The following FAT3 variants were observed in gnomAD, a reference collection of about 807,000 sequenced individuals.
FAT3 encodes the protein protocadherin Fat 3.
FAT3 carries 95 observed loss-of-function variants against 310.2 expected under a neutral mutation model. The observed-to-expected ratio is 0.31, with a 90% confidence interval of 0.26 to 0.36. The LOEUF (loss-of-function observed/expected upper bound fraction) is 0.36. Ranked by LOEUF, FAT3 falls within the 10% of genes least tolerant of loss-of-function variation. The pLI is 1.00. For missense variants in FAT3, 5,408 were observed against 5,715.6 expected, an observed-to-expected ratio of 0.95 and a Z score of 1.74; for synonymous variants, 2,314 against 2,192.9, an observed-to-expected ratio of 1.06 and a Z score of -1.54.
At chr11:92,455,989 G>A (rs1379146806) in intron 2 of FAT3, among the ~76,000 whole-genome samples, 2 of 152,178 alleles carry the variant, frequency 1.3e-5, no homozygotes, top group African/African-American at 4.8e-5. Context: ...GTTACAGATG[G>A]CAGCTTGTGT....
intron 3 of FAT3, among the ~76,000 whole-genome samples, chr11:92,628,576 T>C (rs1260356833): frequency 6.6e-6 from 1 of 152,234 alleles, no homozygotes; most frequent in Non-Finnish European, 1.5e-5. Context: ...AAATTGCAAT[T>C]GACAGAGTGC....
chr11:92,506,108 C>T (rs1204158224), intron 2 of FAT3, among the ~76,000 whole-genome samples: 2 of 152,154 alleles, frequency 1.3e-5, no homozygotes, highest in Non-Finnish European at 2.9e-5. Flanking sequence ...AAAAATTCCC[C>T]ATAAAACACA....
intron 13 of FAT3, among the ~76,000 whole-genome samples, chr11:92,812,506 C>T (rs981733020): frequency 8.6e-5 from 13 of 151,092 alleles, no homozygotes; most frequent in Non-Finnish European, 1.6e-4. Context: ...TGCTTGAACC[C>T]GGGAGGCGGA....
chr11:92,839,830 CAAG>C (rs1213295200), intron 17 of FAT3, among the ~76,000 whole-genome samples: 1 of 152,164 alleles, frequency 6.6e-6, no homozygotes, highest in Non-Finnish European at 1.5e-5. Context: ...ACCTTTGACC[CAAG>C]AAGGAGCTTT....
chr11:92,561,384 G>T (rs558714167), intron 3 of FAT3, among the ~76,000 whole-genome samples: 2 of 151,780 alleles, frequency 1.3e-5, no homozygotes, highest in African/African-American at 2.4e-5. Context: ...TTTATACAAA[G>T]AAAAGTCAAT....
intron 3 of FAT3, among the ~76,000 whole-genome samples, chr11:92,606,623 T>G (rs1940311993): frequency 6.6e-6 from 1 of 152,166 alleles, no homozygotes; most frequent in South Asian, 2.1e-4. Flanking sequence ...TCTGCTAACT[T>G]TTTTATGTGT....
intron 3 of FAT3, among the ~76,000 whole-genome samples, chr11:92,629,332 T>C (rs535398249): frequency 6.6e-6 from 1 of 152,226 alleles, no homozygotes; most frequent in African/African-American, 2.4e-5. Context: ...AAGCTCTTTC[T>C]ATGTGCTAAG....
At chr11:92,627,958 T>A (rs1941397750) in intron 3 of FAT3, among the ~76,000 whole-genome samples, 1 of 152,196 alleles carries the variant, frequency 6.6e-6, no homozygotes, top group South Asian at 2.1e-4. Flanking sequence ...AGGAGACAGG[T>A]CTGAGTCAGA....
chr11:92,697,047 A>G (rs1415990724), intron 3 of FAT3, among the ~76,000 whole-genome samples: 2 of 152,174 alleles, frequency 1.3e-5, no homozygotes, highest in Non-Finnish European at 2.9e-5. Context: ...TAAAATCTTT[A>G]ATGAGGTTTC....
At chr11:92,545,906 C>T (rs890559904) in intron 3 of FAT3, among the ~76,000 whole-genome samples, 1 of 152,162 alleles carries the variant, frequency 6.6e-6, no homozygotes, top group African/African-American at 2.4e-5. Flanking sequence ...GAGTTCATAA[C>T]TGATATTTGA....
chr11:92,279,002 G>A (rs1023126628), intron 1 of FAT3, among the ~76,000 whole-genome samples: 7 of 152,138 alleles, frequency 4.6e-5, no homozygotes, highest in African/African-American at 1.7e-4. Context: ...AGAAGATGAG[G>A]AAATGAAAAC....
Position 92,352,118 on chromosome 11 carries a change from T to C in FAT3, c.6T>C (p.Asp2=). M[D]IIMGHCVGTR... is the part of the protein sequence containing the mutation. ...CAGGATGGAAGTATGATGTGATGGA[T>C]ATAATTATGGGACACTGTGTGGGCA... Residue 2 remains aspartate (D), a synonymous_variant, in exon 2 of 28, where the codon GAT becomes GAC. Transcript: ENST00000525166. 1.5e-6 allele frequency: 2 copies of C among 1,338,090 alleles called. No individual in the cohort carries two copies. Among genetic ancestry groups the C allele is most frequent in the Non-Finnish European group, 2.0e-6 (2 of 1,006,090 alleles). 82.9% of individuals were successfully genotyped at this position (1,338,090 alleles called of 1,614,324 possible).
At chr11:92,726,116 C>T (rs914377731) in intron 4 of FAT3, among the ~76,000 whole-genome samples, 7 of 151,928 alleles carry the variant, frequency 4.6e-5, no homozygotes, top group Admixed American at 6.6e-5. Context: ...AAAACATGTA[C>T]ATCAATTATA....
chr11:92,687,738 G>T (rs999352871), intron 3 of FAT3, among the ~76,000 whole-genome samples: 1 of 152,202 alleles, frequency 6.6e-6, no homozygotes, highest in Non-Finnish European at 1.5e-5. Context: ...ACCTCTGCTA[G>T]GGAGATCTTG....
intron 2 of FAT3, among the ~76,000 whole-genome samples, chr11:92,381,530 C>T (rs896652379): frequency 1.4e-4 from 21 of 152,020 alleles, no homozygotes; most frequent in African/African-American, 5.1e-4. Flanking sequence ...TTTTTTTCAC[C>T]ACTCCTTCCA....
intron 3 of FAT3, among the ~76,000 whole-genome samples, chr11:92,530,917 G>C (rs2135382771): frequency 6.6e-6 from 1 of 150,498 alleles, no homozygotes; most frequent in South Asian, 2.1e-4. Flanking sequence ...AAAAAAAGGT[G>C]AGGTACAAGG....
chr11:92,267,931 G>A (rs1946013820), intron 1 of FAT3, among the ~76,000 whole-genome samples: 2 of 151,746 alleles, frequency 1.3e-5, no homozygotes, highest in Admixed American at 1.3e-4. Context: ...ATGAAGTAGC[G>A]CTTTGTCTTG....
At chr11:92,486,944 G>T (rs1039843647) in intron 2 of FAT3, among the ~76,000 whole-genome samples, 2 of 152,128 alleles carry the variant, frequency 1.3e-5, no homozygotes, top group African/African-American at 4.8e-5. Context: ...AAATATTGGG[G>T]AGCCTAACCC....
At chr11:92,497,585 GAC>G (rs1952802404) in intron 2 of FAT3, among the ~76,000 whole-genome samples, 1 of 151,988 alleles carries the variant, frequency 6.6e-6, no homozygotes, top group Non-Finnish European at 1.5e-5. Context: ...GCTACTTAAT[GAC>G]AGAGTCACAA....
Sources: gnomAD v4.1 joint callset for allele counts (sites outside exome capture counted in the v4.1 genomes callset) on GRCh38, gnomAD v4.1.1 for gene constraint, MANE v1.5 for transcripts, NCBI Gene and HGNC (gene_info 2026-07-23, HGNC 2026-07-21) for gene names.